Variants in PAPPA2 observed in about 807,000 individuals in gnomAD.
PAPPA2 encodes the protein pappalysin 2.
In PAPPA2, 86 loss-of-function variants were observed where a neutral mutation model predicts 176.4. The ratio of observed to expected loss-of-function variants is 0.49; its 90% confidence interval spans 0.41 to 0.58. The LOEUF is 0.58. PAPPA2 is among the 20% of genes least tolerant of loss of function. The pLI is 0.00. For synonymous variants in PAPPA2, 809 were observed against 852.2 expected, an observed-to-expected ratio of 0.95 and a Z score of 0.88; for missense variants, 2,073 against 2,256.9, an observed-to-expected ratio of 0.92 and a Z score of 1.65.
At chr1:176,706,150 C>G (rs2102827679) in intron 9 of PAPPA2, among the ~76,000 whole-genome samples, 2 of 152,248 alleles carry the variant, frequency 1.3e-5, no homozygotes, top group Admixed American at 1.3e-4. Context: ...CTGGACATGC[C>G]AACCACCAAT....
rs775517032 is a variant in PAPPA2, at chr1:176,595,564, A to G, written c.1960A>G (p.Lys654Glu). The part of the protein sequence containing the change: ...CCDPQVADVR[K>E]TCFDPDSPKR... ...CGACCCCCAGGTGGCTGATGTGCGCAAGACCTGCTTTGACCCTGACTCACC... is the reference window on the plus strand; with the variant it reads ...CGACCCCCAGGTGGCTGATGTGCGCGAGACCTGCTTTGACCCTGACTCACC... The change falls in exon 3 of 23, where the codon AAG (lysine) becomes GAG (glutamate). Residue 654 changes from lysine (K) to glutamate (E), a missense_variant. Around this residue, in one of 4 missense-constraint regions of PAPPA2, gnomAD observed 1,196 missense variants for 1,330.4 expected, o/e 0.90. Transcript: ENST00000367662. 20 of 1,613,660 alleles carry G rather than the reference A, an allele frequency of 1.2e-5. No homozygotes were observed. Among genetic ancestry groups the G allele is most frequent in the South Asian group, 2.2e-5 (2 of 91,046 alleles).
At chr1:176,589,311 C>T (rs1182210265) in intron 2 of PAPPA2, among the ~76,000 whole-genome samples, 1 of 152,080 alleles carries the variant, frequency 6.6e-6, no homozygotes, top group Non-Finnish European at 1.5e-5. Context: ...GAACTGGATG[C>T]AAATGATGTT....
Position 176,623,695 on chromosome 1 carries a change from TTC to T in PAPPA2, c.1991+28101_1991+28102del, listed in dbSNP as rs1337193105. On this transcript the variant is annotated intron_variant, in intron 3 of 22. Transcript: ENST00000367662. ...TTTCTTTCTTTCTTTCTCTCTCTCT[TTC>T]CTTTCTTTCTTTTCTTCTTTCTTTC... is the stretch of plus-strand genomic sequence containing the variant. Among the ~76,000 whole-genome samples, 74 of 124,654 alleles carry T rather than the reference TTC, an allele frequency of 5.9e-4. 2 individuals are homozygous for T. The highest frequency in any genetic ancestry group is 2.3e-3 in the African/African-American group (66 of 28,332). The allele number at this position is 124,654 out of a possible 152,430, so 81.8% of individuals were successfully genotyped here.
At chr1:176,829,494 T>C (rs1667003832) in intron 21 of PAPPA2, among the ~76,000 whole-genome samples, 1 of 152,096 alleles carries the variant, frequency 6.6e-6, no homozygotes, top group Non-Finnish European at 1.5e-5. Context: ...GGGGCTGTGG[T>C]GGAACATTCT....
At chr1:176,472,213 T>G (rs1651910843) in intron 1 of PAPPA2, among the ~76,000 whole-genome samples, 2 of 152,244 alleles carry the variant, frequency 1.3e-5, no homozygotes, top group Non-Finnish European at 2.9e-5. Flanking sequence ...TTTTATTCAA[T>G]TGTTTTCAAG....
chr1:176,783,878 A>G (rs1284849331), intron 17 of PAPPA2, among the ~76,000 whole-genome samples: 3 of 152,216 alleles, frequency 2.0e-5, no homozygotes, highest in African/African-American at 4.8e-5. Flanking sequence ...AGGTTTAAAG[A>G]TACAGAATCC....
chr1:176,492,848 C>A lies in PAPPA2; in HGVS notation c.-917+29430C>A, dbSNP rs540157202. ...GCTTGGTGGATAGAGTGAGTATTAT[C>A]CTTAAGAGAACTGAAGAACAGGTTG... On this transcript the variant is annotated intron_variant, in intron 1 of 22. Transcript: ENST00000367662. Among the ~76,000 whole-genome samples, 6 of 152,090 alleles carry A rather than the reference C, an allele frequency of 3.9e-5. No homozygotes were observed. The South Asian group carries it at 1.3e-3, about 32-fold the overall frequency.
chr1:176,520,345 C>A (rs1649143536), intron 1 of PAPPA2, among the ~76,000 whole-genome samples: 1 of 152,150 alleles, frequency 6.6e-6, no homozygotes, highest in Non-Finnish European at 1.5e-5. Flanking sequence ...TCTTGAACTA[C>A]CCCAATTCAG....
At chr1:176,522,169 A>T (rs1649250228) in intron 1 of PAPPA2, among the ~76,000 whole-genome samples, 2 of 152,208 alleles carry the variant, frequency 1.3e-5, no homozygotes, top group African/African-American at 4.8e-5. Context: ...TTTTATTTTT[A>T]CAATTTCTAC....
At chr1:176,507,268 A>G (rs1413886318) in intron 1 of PAPPA2, among the ~76,000 whole-genome samples, 1 of 152,184 alleles carries the variant, frequency 6.6e-6, no homozygotes, top group Admixed American at 6.6e-5. Flanking sequence ...AATGACTGTT[A>G]CTAAAAAGTA....
chr1:176,510,293 G>A (rs28844448), intron 1 of PAPPA2, among the ~76,000 whole-genome samples: 37 of 152,152 alleles, frequency 2.4e-4, no homozygotes, highest in African/African-American at 7.0e-4. Context: ...AATTATCATC[G>A]TTTTCTCACC....
chr1:176,585,386 A>G (rs1391246465), intron 2 of PAPPA2, among the ~76,000 whole-genome samples: 1 of 151,970 alleles, frequency 6.6e-6, no homozygotes, highest in Non-Finnish European at 1.5e-5. Flanking sequence ...ATTCCCTTAT[A>G]TGTGACTTGG....
chr1:176,616,639 C>T, intron 3 of PAPPA2: 1 of 1,570,690 alleles, frequency 6.4e-7, no homozygotes, highest in Non-Finnish European at 8.7e-7. Context: ...TCATAAGTTG[C>T]TTCACATACT....
chr1:176,621,758 T>C (rs12130267), intron 3 of PAPPA2, among the ~76,000 whole-genome samples: 26,512 of 152,010 alleles, frequency 0.17, 2,466 homozygotes, highest in Middle Eastern at 0.23. Context: ...CTGTCTGTTA[T>C]AGTAACTGCC....
intron 4 of PAPPA2, among the ~76,000 whole-genome samples, chr1:176,679,836 G>C (rs1330092574): frequency 6.6e-6 from 1 of 152,212 alleles, no homozygotes; most frequent in Admixed American, 6.5e-5. Context: ...AGAGTGAAAG[G>C]AGAGTGGTTG....
At chr1:176,761,927 G>T (rs929328486) in intron 14 of PAPPA2, among the ~76,000 whole-genome samples, 7 of 152,198 alleles carry the variant, frequency 4.6e-5, no homozygotes. Flanking sequence ...CTTTTAAGAT[G>T]AATTACTTTT....
intron 3 of PAPPA2, among the ~76,000 whole-genome samples, chr1:176,597,231 G>A (rs1216185870): frequency 6.6e-6 from 1 of 152,186 alleles, no homozygotes; most frequent in Admixed American, 6.5e-5. Context: ...AAACTCAGAA[G>A]TCTTGTCTGT....
chr1:176,510,608 T>C (rs905937129), intron 1 of PAPPA2, among the ~76,000 whole-genome samples: 7 of 151,812 alleles, frequency 4.6e-5, no homozygotes, highest in South Asian at 2.1e-4. Context: ...AAATAAAAAA[T>C]TTTACTTAAG....
intron 14 of PAPPA2, among the ~76,000 whole-genome samples, chr1:176,750,166 T>C (rs956870658): frequency 5.3e-4 from 81 of 152,314 alleles, no homozygotes; most frequent in African/African-American, 1.9e-3. Flanking sequence ...TATTTTTCTA[T>C]TTACTTAAAT....
Sources: allele counts gnomAD v4.1 joint callset (sites outside exome capture counted in the v4.1 genomes callset), GRCh38; gene constraint gnomAD v4.1.1; regional missense constraint gnomAD v4.1.1; transcripts MANE v1.5; gene names NCBI Gene and HGNC (gene_info 2026-07-23, HGNC 2026-07-21).